FGF2: variants seen among roughly 807,000 people sequenced by gnomAD.
The protein encoded by FGF2 is basic fibroblast growth factor bFGF.
In FGF2, 13 loss-of-function variants were observed where a neutral mutation model predicts 15.9. The observed-to-expected ratio is 0.82, with a 90% confidence interval of 0.53 to 1.30. The LOEUF (loss-of-function observed/expected upper bound fraction) is 1.30, where lower values mean the gene tolerates loss of function less well. FGF2 is among the 50% of genes most tolerant of loss of function. The probability of loss-of-function intolerance (pLI) is 0.00; values close to 1 mark genes in which losing one functional copy is unlikely to be tolerated. For synonymous variants in FGF2, 90 were observed against 78.4 expected (o/e 1.15, Z -0.78); for missense variants, 163 against 196.9 (o/e 0.83, Z 1.03).
At chr4:122,889,468 C>G (rs1727124508) in intron 2 of FGF2, among the ~76,000 whole-genome samples, 1 of 152,052 alleles carries the variant, frequency 6.6e-6, no homozygotes, top group African/African-American at 2.4e-5. Context: ...AATAGGCACA[C>G]TGAGATCACA....
intron 1 of FGF2, among the ~76,000 whole-genome samples, chr4:122,849,131 T>A (rs1726174766): frequency 6.6e-6 from 1 of 152,224 alleles, no homozygotes; most frequent in African/African-American, 2.4e-5. Flanking sequence ...ATAGACATTT[T>A]AACATGCAGC....
rs1178703243 is a variant in FGF2, at chr4:122,830,859, C to T, written c.178+3507C>T. Among the ~76,000 whole-genome samples, 4 of 138,250 alleles carry T rather than the reference C, an allele frequency of 2.9e-5. No individual in the cohort carries two copies. In the South Asian group the frequency reaches 7.4e-4, roughly 26 times the overall value. 90.7% of individuals were successfully genotyped at this position (138,250 alleles called of 152,430 possible). A position where few individuals can be genotyped will look rare whatever the true frequency, so the allele number is the denominator to read the frequency against. ...AAAAAAATGAGAGTAGTTAGAAGTACTGTATCTACCCTTGGGCTTCTCCCA... is the reference window on the plus strand; with the variant it reads ...AAAAAAATGAGAGTAGTTAGAAGTATTGTATCTACCCTTGGGCTTCTCCCA... On this transcript the variant is annotated intron_variant, in intron 1 of 2. Coordinates refer to ENST00000644866, the MANE Select transcript of FGF2 (RefSeq NM_001361665.2).
chr4:122,850,262 AAAAAAAAAAAG>A (rs1465527009), intron 1 of FGF2, among the ~76,000 whole-genome samples: 2 of 130,346 alleles, frequency 1.5e-5, no homozygotes, highest in Non-Finnish European at 3.1e-5. Flanking sequence ...ACTCTGTCTC[AAAAAAAAAAAG>A]AAAAAAAAAA....
intron 1 of FGF2, among the ~76,000 whole-genome samples, chr4:122,849,990 G>A (rs112350385): frequency 0.016 from 2,402 of 152,282 alleles, 68 homozygotes; most frequent in African/African-American, 0.055. Flanking sequence ...GGCTGGGCGC[G>A]GTGGCTCACG....
intron 2 of FGF2, among the ~76,000 whole-genome samples, chr4:122,891,501 A>G (rs754930677): frequency 4.0e-5 from 6 of 150,500 alleles, no homozygotes; most frequent in Non-Finnish European, 6.0e-5. Flanking sequence ...AGACTGCCAG[A>G]AATCAGTATG....
intron 1 of FGF2, among the ~76,000 whole-genome samples, chr4:122,857,113 T>C (rs1726357812): frequency 6.6e-6 from 1 of 152,158 alleles, no homozygotes; most frequent in South Asian, 2.1e-4. Flanking sequence ...GTAATTATTC[T>C]TACCAGAAAA....
chr4:122,874,578 T>C (rs1726802149), intron 1 of FGF2, among the ~76,000 whole-genome samples: 1 of 152,198 alleles, frequency 6.6e-6, no homozygotes, highest in Non-Finnish European at 1.5e-5. Context: ...GTGCTTCTAA[T>C]GACTGTTAAC....
chr4:122,829,066 A>G (rs1264226412), intron 1 of FGF2, among the ~76,000 whole-genome samples: 1 of 151,954 alleles, frequency 6.6e-6, no homozygotes, highest in Non-Finnish European at 1.5e-5. Context: ...TTCAGACTCT[A>G]TTAGTTGCTG....
intron 1 of FGF2, among the ~76,000 whole-genome samples, chr4:122,841,718 T>A (rs191272857): frequency 2.6e-5 from 4 of 152,340 alleles, no homozygotes; most frequent in Admixed American, 1.3e-4. Flanking sequence ...ACCAAAGTTA[T>A]GTTTTTTGCT....
At chr4:122,833,101 C>T (rs570055391) in intron 1 of FGF2, among the ~76,000 whole-genome samples, 3 of 152,320 alleles carry the variant, frequency 2.0e-5, no homozygotes, top group African/African-American at 2.4e-5. Flanking sequence ...TGTCTTCTGT[C>T]ACTCTTCCTG....
At chr4:122,849,424 G>A (rs1726181360) in intron 1 of FGF2, among the ~76,000 whole-genome samples, 1 of 152,092 alleles carries the variant, frequency 6.6e-6, no homozygotes, top group South Asian at 2.1e-4. Flanking sequence ...ACACAGGGAA[G>A]GGAACATCAC....
In FGF2 at chr4:122,893,346, A is replaced by G. The variant is rs112392401; in HGVS notation, c.*950A>G. 5.6e-6 allele frequency: 5 copies of G among 898,086 alleles called. No individual in the cohort carries two copies. The highest frequency in any genetic ancestry group is 3.4e-5 in the African/African-American group (2 of 58,628). The allele number at this position is 898,086 out of a possible 1,614,324, so 55.6% of individuals were successfully genotyped here. On this transcript the variant is annotated 3_prime_UTR_variant, in exon 3 of 3. Transcript: ENST00000644866. ...TCAAAACATTACCCTAACAAAGTAAAGTTTTCAATACAAATTCTTTGCCTT... is the reference window on the plus strand; with the variant it reads ...TCAAAACATTACCCTAACAAAGTAAGGTTTTCAATACAAATTCTTTGCCTT...
At chr4:122,876,826 A>T (rs765171793) in intron 2 of FGF2, among the ~76,000 whole-genome samples, 2 of 152,236 alleles carry the variant, frequency 1.3e-5, no homozygotes, top group Non-Finnish European at 2.9e-5. Flanking sequence ...CGTACAAAAC[A>T]CTAGCAATGT....
chr4:122,854,188 A>G (rs1321024594), intron 1 of FGF2, among the ~76,000 whole-genome samples: 1 of 152,244 alleles, frequency 6.6e-6, no homozygotes, highest in Non-Finnish European at 1.5e-5. Flanking sequence ...TTTTTCACAT[A>G]AGGATACAAT....
At chr4:122,887,511 C>T (rs868283455) in intron 2 of FGF2, among the ~76,000 whole-genome samples, 2 of 152,182 alleles carry the variant, frequency 1.3e-5, no homozygotes, top group Non-Finnish European at 2.9e-5. Flanking sequence ...AGAAATATCT[C>T]ACATAACCTT....
chr4:122,892,160 G>GTAA, intron 2 of FGF2, 51 bp from the exon 3 acceptor site: 2 of 1,385,072 alleles, frequency 1.4e-6, no homozygotes, highest in Middle Eastern at 2.0e-4. Flanking sequence ...TATGAAAAGT[G>GTAA]TAATAATAAT....
At chr4:122,877,848 AG>A (rs1560754648) in intron 2 of FGF2, among the ~76,000 whole-genome samples, 1 of 152,236 alleles carries the variant, frequency 6.6e-6, no homozygotes. Context: ...ACAGAGAAAA[AG>A]GGTATCTAAA....
At chr4:122,845,496 A>C (rs1468778557) in intron 1 of FGF2, among the ~76,000 whole-genome samples, 2 of 152,264 alleles carry the variant, frequency 1.3e-5, no homozygotes, top group Non-Finnish European at 2.9e-5. Flanking sequence ...TGTTTTGTCC[A>C]CATTGAAAAT....
chr4:122,891,684 T>C (rs1727193105), intron 2 of FGF2, among the ~76,000 whole-genome samples: 1 of 152,068 alleles, frequency 6.6e-6, no homozygotes, highest in South Asian at 2.1e-4. Flanking sequence ...TGTTAAAATT[T>C]GGGGAATTAA....
Sources: gnomAD v4.1 joint callset for allele counts (sites outside exome capture counted in the v4.1 genomes callset) on GRCh38, gnomAD v4.1.1 for gene constraint, MANE v1.5 for transcripts, NCBI Gene and HGNC (gene_info 2026-07-23, HGNC 2026-07-21) for gene names.